Variants in PARP2 observed in about 807,000 individuals in gnomAD.
The protein encoded by PARP2 is poly [ADP-ribose] polymerase 2.
Under a neutral mutation model 77.8 loss-of-function variants are expected in PARP2, and 57 were observed. The observed-to-expected ratio is 0.73, with a 90% confidence interval of 0.59 to 0.91. The LOEUF (loss-of-function observed/expected upper bound fraction) is 0.91, where lower values mean the gene tolerates loss of function less well. Ranked by LOEUF, PARP2 falls within the 40% of genes least tolerant of loss-of-function variation. The pLI is 0.00. For missense variants in PARP2, 651 were observed against 689.0 expected (o/e 0.94, Z 0.62); for synonymous variants, 226 against 242.6 (o/e 0.93, Z 0.64).
Position 20,355,915 on chromosome 14 carries a change from A to C in PARP2, c.985A>C (p.Ile329Leu). 1 of 1,614,216 alleles carries C rather than the reference A, an allele frequency of 6.2e-7. No homozygotes were observed. The highest frequency in any genetic ancestry group is 1.1e-5 in the South Asian group (1 of 91,088). Reference sequence around the variant, plus strand: ...TTCTCAGGCTTTGGGAGACATTGAAATTGCTATTAAGCTGGTGAAAACAGA... The same window carrying C: ...TTCTCAGGCTTTGGGAGACATTGAACTTGCTATTAAGCTGGTGAAAACAGA... ...QLLEALGDIE[I>L]AIKLVKTELQ... The change falls in exon 11 of 16, where the codon ATT becomes CTT. Residue 329 changes from isoleucine (I) to leucine (L), a missense_variant. Coordinates refer to ENST00000429687, the MANE Select transcript of PARP2 (RefSeq NM_001042618.2).
rs533876557 is a variant in PARP2 at position 20,357,433 on chromosome 14, A to G, written c.1466A>G (p.Asn489Ser). ...CAGTGTAATGAACTACTAGAGGCCA[A>G]TCCTAAGGCCGAAGGATTGCTTCAA... Reference protein sequence around the residue: ...LGQCNELLEANPKAEGLLQGK... With the variant: ...LGQCNELLEASPKAEGLLQGK... Residue 489 changes from asparagine to serine, a missense_variant, in exon 15 of 16, where the codon AAT (asparagine) becomes AGT (serine). Coordinates refer to ENST00000429687, the MANE Select transcript of PARP2 (RefSeq NM_001042618.2). The G allele has an allele frequency of 1.2e-5, 20 of 1,613,788 alleles. No homozygotes were observed. The highest frequency in any genetic ancestry group is 1.5e-5 in the Non-Finnish European group (18 of 1,179,876).
At chr14:20,344,900 A>C (rs760551997) in intron 1 of PARP2, 32 bp from the exon 2 acceptor site, 1 of 1,332,024 alleles carries the variant, frequency 7.5e-7, no homozygotes, top group Non-Finnish European at 1.1e-6. Context: ...TCGGGTGTGT[A>C]CTCATTCTTT....
rs1760913 is a variant in PARP2 at position 20,355,133 on chromosome 14, C to T, written c.902+186C>T. ...CTTACAAATATGGGATGCAATCTCC[C>T]GGCTTGACCACAGCCATATTCTCTG... is the stretch of plus-strand genomic sequence containing the variant. On this transcript the variant is annotated intron_variant, in intron 9 of 15. Coordinates refer to ENST00000429687, the MANE Select transcript of PARP2 (RefSeq NM_001042618.2). The T allele has an allele frequency of 9.8e-4, 518 of 528,140 alleles. 1 individual carries two copies. Among genetic ancestry groups the T allele is most frequent in the African/African-American group, 8.6e-3 (441 of 51,556 alleles). 32.7% of individuals were successfully genotyped at this position (528,140 alleles called of 1,614,324 possible). A position where few individuals can be genotyped will look rare whatever the true frequency, so the allele number is the denominator to read the frequency against.
chr14:20,355,652 C>A, intron 9 of PARP2, 100 bp from the exon 10 acceptor site: 1 of 820,996 alleles, frequency 1.2e-6, no homozygotes, highest in Non-Finnish European at 2.0e-6. Flanking sequence ...GTTTCTCATA[C>A]CTGTTTTCTA....
In PARP2 at chr14:20,343,667, C is replaced by T. The variant is rs777650803; in HGVS notation, c.26C>T (p.Thr9Ile). 7.5e-6 allele frequency: 12 copies of T among 1,610,206 alleles called. No individual in the cohort carries two copies. The highest frequency in any genetic ancestry group is 1.0e-5 in the Non-Finnish European group (12 of 1,178,958). ...ATGGCGGCGCGGCGGCGACGGAGCA[C>T]CGGCGGCGGCAGGGCGAGAGGTTCG... is the stretch of plus-strand genomic sequence containing the variant. MAARRRRS[T>I]GGGRARALNE... is the part of the protein sequence containing the mutation. The change falls in exon 1 of 16, where the codon ACC becomes ATC. Residue 9 changes from threonine (T) to isoleucine (I), a missense_variant. Transcript: ENST00000429687.
chr14:20,345,524 T>C, intron 3 of PARP2, 60 bp downstream of exon 3: 1 of 1,234,926 alleles, frequency 8.1e-7, no homozygotes, highest in Non-Finnish European at 1.2e-6. Flanking sequence ...TCCTTTGTTA[T>C]AAGGACTCCT....
At chr14:20,357,338 TTTGGAGC>T in intron 14 of PARP2, 51 bp from the exon 15 acceptor site, 1 of 1,562,864 alleles carries the variant, frequency 6.4e-7, no homozygotes, top group Admixed American at 1.9e-5. Context: ...TCTGTTTGGC[TTTGGAGC>T]CATCTAATTC....
At chr14:20,352,444 CA>C in intron 7 of PARP2, 97 bp downstream of exon 7, 1 of 680,894 alleles carries the variant, frequency 1.5e-6, no homozygotes. Context: ...CTGGGTGGCA[CA>C]ATCATGGCTC....
chr14:20,355,721 A>G, intron 9 of PARP2, 31 bp from the exon 10 acceptor site: 1 of 1,577,874 alleles, frequency 6.3e-7, no homozygotes, highest in Non-Finnish European at 8.7e-7. Context: ...CATGTCAGAA[A>G]GCTCATTATG....
In PARP2 at chr14:20,357,103, G is replaced by A; in HGVS notation, c.1382G>A (p.Cys461Tyr). The A allele has an allele frequency of 6.2e-7, 1 of 1,613,500 alleles. No individual in the cohort carries two copies. Residue 461 changes from cysteine (C) to tyrosine (Y), a missense_variant, in exon 14 of 16, where the codon TGC becomes TAC. Transcript: ENST00000429687. ...ATGTCTTCCAAGAGTGCCAATTACT[G>A]CTTTGCCTCTCGCCTAAAGAATACA... ...ADMSSKSANYCFASRLKNTGL... is the reference protein window; with the variant it reads ...ADMSSKSANYYFASRLKNTGL...
Position 20,345,045 on chromosome 14 carries a change from G to A in PARP2, c.160G>A (p.Gly54Arg). The change falls in exon 2 of 16, where the codon GGA becomes AGA. Residue 54 changes from glycine to arginine, a missense_variant. Coordinates refer to ENST00000429687, the MANE Select transcript of PARP2 (RefSeq NM_001042618.2). ...GGAGTCGAAAAAGATGCCTGTGGCT[G>A]GAGGAAAAGCTAATAAGGACAGGAC... ...RQESKKMPVAGGKANKDRTED... is the reference protein window; with the variant it reads ...RQESKKMPVARGKANKDRTED... 6.2e-7 allele frequency: 1 copy of A among 1,614,098 alleles called. No individual in the cohort carries two copies. Among genetic ancestry groups the A allele is most frequent in the Non-Finnish European group, 8.5e-7 (1 of 1,179,966 alleles).
At chr14:20,346,817 G>A (rs754485219) in intron 3 of PARP2, 46 bp from the exon 4 acceptor site, 2 of 1,304,664 alleles carry the variant, frequency 1.5e-6, no homozygotes, top group East Asian at 2.3e-5. Flanking sequence ...GGATGTCAGG[G>A]CTGAACCTAT....
At chr14:20,346,283 C>T (rs1480390902) in intron 3 of PARP2, among the ~76,000 whole-genome samples, 1 of 148,658 alleles carries the variant, frequency 6.7e-6, no homozygotes, top group Non-Finnish European at 1.5e-5. Flanking sequence ...AAAAAGAAGG[C>T]TACCTCTGGA....
rs776815103 is a variant in PARP2, at chr14:20,356,435, G to A, written c.1229+1G>A. 1.3e-5 allele frequency: 21 copies of A among 1,614,064 alleles called. No individual in the cohort carries two copies. In the Admixed American group the frequency reaches 3.2e-4, roughly 24 times the overall value. On this transcript the variant is annotated splice_donor_variant, in intron 12 of 15. Transcript: ENST00000429687. LOFTEE classifies it high-confidence loss of function. Reference sequence around the variant, plus strand: ...CCTTCAGAGAGGACCTTCATAACAGGTCTGAGTCTAGCTTTGCGTTTGGAA... The same window carrying A: ...CCTTCAGAGAGGACCTTCATAACAGATCTGAGTCTAGCTTTGCGTTTGGAA...
At position 20,355,771 on chromosome 14, in the gene PARP2, A is replaced by C. The variant is rs1566424072; in HGVS notation, c.922A>C (p.Ile308Leu). 1.2e-6 allele frequency: 2 copies of C among 1,613,628 alleles called. No individual in the cohort carries two copies. The highest frequency in any genetic ancestry group is 1.7e-5 in the Admixed American group (1 of 60,000). The change falls in exon 10 of 16, where the codon ATC becomes CTC. Residue 308 changes from isoleucine to leucine, a missense_variant. By Grantham distance (5) the Ile-to-Leu change is conservative. Coordinates refer to ENST00000429687, the MANE Select transcript of PARP2 (RefSeq NM_001042618.2). ...HDFGLRTPPL[I>L]RTQKELSEKI... ...TCTTAGACTCCGTACTCCTCCACTA[A>C]TCCGGACACAGAAGGAACTGTCAGA...
chr14:20,357,490 T>A lies in PARP2; in HGVS notation c.1523T>A (p.Met508Lys), dbSNP rs1884201169. ...CATAGCACCAAGGGGCTGGGCAAGA[T>A]GGCTCCCAGTTCTGCCCACTTCGTC... Reference protein sequence around the residue: ...GKHSTKGLGKMAPSSAHFVTL... With the variant: ...GKHSTKGLGKKAPSSAHFVTL... The change falls in exon 15 of 16, where the codon ATG (methionine) becomes AAG (lysine). Residue 508 changes from methionine to lysine, a missense_variant. Coordinates refer to ENST00000429687, the MANE Select transcript of PARP2 (RefSeq NM_001042618.2). 1 of 1,613,526 alleles carries A rather than the reference T, an allele frequency of 6.2e-7. No individual in the cohort carries two copies. The highest frequency in any genetic ancestry group is 8.5e-7 in the Non-Finnish European group (1 of 1,179,806).
intron 3 of PARP2, 157 bp from the exon 4 acceptor site, chr14:20,346,706 A>G (rs79030532): frequency 0.12 from 68,952 of 587,144 alleles, 4,630 homozygotes; most frequent in Middle Eastern, 0.14. Context: ...CACCCAGGTT[A>G]CTGGTAGAAC....
Position 20,354,071 on chromosome 14 carries a change from G to T in PARP2, c.601-14G>T. The T allele has an allele frequency of 1.9e-6, 3 of 1,603,492 alleles. No homozygotes were observed. The highest frequency in any genetic ancestry group is 2.6e-6 in the Non-Finnish European group (3 of 1,171,530). The stretch of plus-strand genomic sequence containing the variant: ...TCTTAGATTGTCTTGTGTTTTGTTT[G>T]TTTTTTGCTATAGGATGAAGAGGAA... On this transcript the variant is annotated splice_polypyrimidine_tract_variant and intron_variant, in intron 7 of 15. Coordinates refer to ENST00000429687, the MANE Select transcript of PARP2 (RefSeq NM_001042618.2).
At chr14:20,347,356 GTATATATATATATATATATATATATA>G (rs774986716) in intron 4 of PARP2, among the ~76,000 whole-genome samples, 381 of 29,560 alleles carry the variant, frequency 0.013, 42 homozygotes, top group Non-Finnish European at 0.014. Context: ...ATGTGTGTGT[GTATATATATATATATATATATATATA>G]TATATATATA....
Sources: gnomAD v4.1 joint callset for allele counts (sites outside exome capture counted in the v4.1 genomes callset) on GRCh38, gnomAD v4.1.1 for gene constraint, MANE v1.5 for transcripts, NCBI Gene and HGNC (gene_info 2026-07-23, HGNC 2026-07-21) for gene names.